Variants in PDXDC1 observed in about 807,000 individuals in gnomAD.
PDXDC1 encodes the protein pyridoxal dependent decarboxylase domain containing 1.
Under a neutral mutation model 100.1 loss-of-function variants are expected in PDXDC1, and 42 were observed. The observed-to-expected ratio is 0.42, with a 90% CI of 0.33 to 0.54. PDXDC1 has a LOEUF of 0.54. PDXDC1 is among the 20% of genes least tolerant of loss of function. The probability of loss-of-function intolerance (pLI) is 0.10; values close to 1 mark genes in which losing one functional copy is unlikely to be tolerated. For synonymous variants in PDXDC1, 260 were observed against 371.7 expected (o/e 0.70, Z 3.46); for missense variants, 636 against 979.2 (o/e 0.65, Z 4.68).
At chr16:15,104,441 G>T in intron 16 of PDXDC1, 7 of 1,099,488 alleles carry the variant, frequency 6.4e-6, no homozygotes, top group Non-Finnish European at 3.5e-6. Context: ...TGAGGGTGGA[G>T]CTGAGGGTGG....
chr16:15,028,816 G>A (rs2090101521), intron 14 of PDXDC1, 62 bp from the exon 15 acceptor site: 1 of 1,506,046 alleles, frequency 6.6e-7, no homozygotes, highest in Non-Finnish European at 9.1e-7. Context: ...GGGGTTTGGA[G>A]GGTGTTTTTT....
At chr16:15,035,917 C>G (rs2043411375) in intron 22 of PDXDC1, 99 bp from the exon 23 acceptor site, 9 of 1,262,248 alleles carry the variant, frequency 7.1e-6, no homozygotes, top group Middle Eastern at 5.5e-4. Flanking sequence ...TCTGCTGAAG[C>G]TGTGTTGTGA....
At chr16:15,085,326 C>CT (rs11436275) in intron 16 of PDXDC1, among the ~76,000 whole-genome samples, 96,613 of 149,796 alleles carry the variant, frequency 0.64, 32,581 homozygotes, top group Non-Finnish European at 0.74. Flanking sequence ...CTGTGCTTTA[C>CT]TTTTTTTTTT....
chr16:15,045,517 T>G (rs2044022994), intron 16 of PDXDC1: 1 of 151,408 alleles, frequency 6.6e-6, no homozygotes, highest in Admixed American at 6.6e-5. Flanking sequence ...TATACCTCTA[T>G]TCCCAGCTAC....
chr16:15,079,685 C>T (rs989874521), intron 16 of PDXDC1, among the ~76,000 whole-genome samples: 8 of 151,906 alleles, frequency 5.3e-5, no homozygotes, highest in African/African-American at 1.5e-4. Context: ...ATCTGCCTCC[C>T]GGATTCAAGC....
At chr16:14,999,874 T>C (rs1164536106) in intron 3 of PDXDC1, among the ~76,000 whole-genome samples, 1 of 152,240 alleles carries the variant, frequency 6.6e-6, no homozygotes, top group Non-Finnish European at 1.5e-5. Context: ...TTTCCTGTTA[T>C]AACCAGGAAA....
chr16:15,142,966 C>T (rs1210809586), downstream of PDXDC1, among the ~76,000 whole-genome samples: 2 of 152,144 alleles, frequency 1.3e-5, no homozygotes, highest in African/African-American at 4.8e-5. Context: ...CACTCCTCAC[C>T]CCAGTTCCTG....
chr16:15,142,335 G>A (rs1372657854), downstream of PDXDC1, among the ~76,000 whole-genome samples: 2 of 152,064 alleles, frequency 1.3e-5, no homozygotes, highest in Admixed American at 1.3e-4. Context: ...ACCGGTTCTG[G>A]CCATGCACTC....
At chr16:15,122,147 G>C (rs565759426) in intron 16 of PDXDC1, among the ~76,000 whole-genome samples, 4 of 152,220 alleles carry the variant, frequency 2.6e-5, no homozygotes, top group Admixed American at 6.5e-5. Context: ...CTGGGCGACA[G>C]AGTGAGACTC....
chr16:15,128,146 G>A (rs768915544), intron 16 of PDXDC1: 53 of 1,609,402 alleles, frequency 3.3e-5, no homozygotes, highest in African/African-American at 1.1e-4. Context: ...CTGCAGAGGC[G>A]CGGGAGGGAG....
intron 16 of PDXDC1, chr16:15,104,437 TGGAG>T: frequency 2.3e-6 from 3 of 1,303,002 alleles, no homozygotes; most frequent in Non-Finnish European, 3.0e-6. Context: ...CCGCTGAGGG[TGGAG>T]CTGAGGGTGG....
intron 1 of PDXDC1, among the ~76,000 whole-genome samples, chr16:14,980,756 C>T (rs545753225): frequency 9.6e-4 from 146 of 152,362 alleles, no homozygotes; most frequent in African/African-American, 3.3e-3. Context: ...TGAGCCACCG[C>T]GCCTGGCCAA....
At chr16:15,099,096 A>T (rs1454077158) in intron 16 of PDXDC1, among the ~76,000 whole-genome samples, 2 of 152,086 alleles carry the variant, frequency 1.3e-5, no homozygotes, top group Non-Finnish European at 2.9e-5. Context: ...CCAAGTTTTT[A>T]AAAAGATTTA....
At chr16:15,091,212 T>C (rs544713558) in intron 16 of PDXDC1, 5 of 1,429,328 alleles carry the variant, frequency 3.5e-6, no homozygotes, top group African/African-American at 2.8e-5. Context: ...GGGAGGACCA[T>C]GGAGAGAGCA....
chr16:15,137,289 C>A, intron 16 of PDXDC1: 1 of 901,396 alleles, frequency 1.1e-6, no homozygotes, highest in Non-Finnish European at 1.7e-6. Flanking sequence ...AGGGTGGGGC[C>A]CCTACAGGTG....
At chr16:14,974,943 G>T (rs1966549212), upstream of PDXDC1, 5 of 1,535,074 alleles carry the variant, frequency 3.3e-6, no homozygotes, top group Admixed American at 5.9e-5. Flanking sequence ...CTTCACCTGC[G>T]CACGTTAGGG....
chr16:15,083,360 T>C (rs529457142), intron 16 of PDXDC1, among the ~76,000 whole-genome samples: 4 of 151,802 alleles, frequency 2.6e-5, no homozygotes, highest in Admixed American at 6.6e-5. Context: ...GATGACGCCA[T>C]TGCACTCCAG....
rs554726992 is a variant in PDXDC1, at chr16:15,135,360, G to A, written c.1400-3519G>A. ...GTGTACTCCACGCCAGCCGCCAGCCGTTCCCGTGGAATGGTGACCGTGCTG... is the reference window on the plus strand; with the variant it reads ...GTGTACTCCACGCCAGCCGCCAGCCATTCCCGTGGAATGGTGACCGTGCTG... On this transcript the variant is annotated intron_variant, in intron 16 of 16. Transcript: ENST00000535621. The A allele has an allele frequency of 6.0e-4, 928 of 1,537,586 alleles. 12 individuals are homozygous for A. In the South Asian group the frequency reaches 0.01, roughly 17 times the overall value.
At chr16:15,103,520 T>C (rs1303645501) in intron 16 of PDXDC1, among the ~76,000 whole-genome samples, 1 of 151,792 alleles carries the variant, frequency 6.6e-6, no homozygotes, top group Non-Finnish European at 1.5e-5. Context: ...TATTTATTTT[T>C]TGAGTCAGAG....
Sources: allele counts gnomAD v4.1 joint callset (sites outside exome capture counted in the v4.1 genomes callset), GRCh38; gene constraint gnomAD v4.1.1; transcripts MANE v1.5; gene names NCBI Gene and HGNC (gene_info 2026-07-23, HGNC 2026-07-21).